Variants in SNTG2 observed in about 807,000 individuals in gnomAD.
SNTG2 encodes the protein syntrophin gamma 2, also known as gamma-2-syntrophin.
A neutral mutation model predicts 70.9 loss-of-function variants in SNTG2; 74 were observed. The observed-to-expected ratio is 1.04, with a 90% CI of 0.86 to 1.27. The LOEUF (loss-of-function observed/expected upper bound fraction) is 1.27, where lower values mean the gene tolerates loss of function less well. Ranked by LOEUF, SNTG2 falls within the 50% of genes most tolerant of loss-of-function variation. The probability of loss-of-function intolerance (pLI) is 0.00; values close to 1 mark genes in which losing one functional copy is unlikely to be tolerated. For missense variants in SNTG2, 717 were observed against 690.7 expected (o/e 1.04, Z -0.43); for synonymous variants, 278 against 273.8 (o/e 1.02, Z -0.15).
chr2:1,221,405 CTCAG>C (rs1674794975), intron 9 of SNTG2, among the ~76,000 whole-genome samples: 1 of 72,870 alleles, frequency 1.4e-5, no homozygotes, highest in African/African-American at 8.6e-5. Flanking sequence ...CTCTGTCCCT[CTCAG>C]TCTCTGGTTT....
chr2:1,234,091 G>A (rs1289297384), intron 9 of SNTG2, among the ~76,000 whole-genome samples: 1 of 152,208 alleles, frequency 6.6e-6, no homozygotes, highest in African/African-American at 2.4e-5. Context: ...CGGCCACCAT[G>A]AGGCGGGTAG....
intron 6 of SNTG2, among the ~76,000 whole-genome samples, chr2:1,152,688 T>A (rs1330510824): frequency 6.6e-6 from 1 of 152,228 alleles, no homozygotes; most frequent in African/African-American, 2.4e-5. Flanking sequence ...CCTGAGAGGA[T>A]CTGAGCCTTT....
chr2:1,228,374 C>T (rs760657094), intron 9 of SNTG2, among the ~76,000 whole-genome samples: 13 of 152,192 alleles, frequency 8.5e-5, no homozygotes, highest in Non-Finnish European at 1.3e-4. Context: ...GGGGGAGGAG[C>T]GCCTCTCTCT....
At chr2:990,546 A>G (rs1661456021) in intron 1 of SNTG2, among the ~76,000 whole-genome samples, 2 of 152,192 alleles carry the variant, frequency 1.3e-5, no homozygotes, top group African/African-American at 2.4e-5. Context: ...CTCAACCTCC[A>G]TGACCTAATA....
At chr2:1,367,223 T>C in intron 16 of SNTG2, 120 bp from the exon 17 acceptor site, 3 of 899,214 alleles carry the variant, frequency 3.3e-6, no homozygotes, top group African/African-American at 1.7e-5. Context: ...ATTTCCTGTC[T>C]ATTATTATTT....
At chr2:1,327,585 G>A (rs1681812057) in intron 16 of SNTG2, among the ~76,000 whole-genome samples, 1 of 152,030 alleles carries the variant, frequency 6.6e-6, no homozygotes, top group Non-Finnish European at 1.5e-5. Flanking sequence ...AAAATTTCAT[G>A]GGACATTAGA....
In SNTG2 at chr2:1,227,057, T is replaced by C. The variant is rs190052578; in HGVS notation, c.720-10831T>C. ...CTAAGGGAGAGGTGCGATGTATAAG[T>C]GTCCTTGTACATTCAGCACCACCCC... On this transcript the variant is annotated intron_variant, in intron 9 of 16. Transcript: ENST00000308624. Among the ~76,000 whole-genome samples the C allele has an allele frequency of 1.1e-4, 17 of 152,360 alleles. No homozygotes were observed. The East Asian group carries it at 1.3e-3, about 12-fold the overall frequency.
intron 16 of SNTG2, among the ~76,000 whole-genome samples, chr2:1,325,436 A>C (rs982273361): frequency 4.6e-5 from 7 of 152,246 alleles, no homozygotes; most frequent in African/African-American, 1.7e-4. Flanking sequence ...AAAGTTATAC[A>C]AGTTATTTCA....
chr2:1,054,794 A>G (rs1346341728), intron 1 of SNTG2, among the ~76,000 whole-genome samples: 1 of 152,260 alleles, frequency 6.6e-6, no homozygotes, highest in Non-Finnish European at 1.5e-5. Flanking sequence ...TTTCAAATGA[A>G]AAATCTAAAT....
intron 9 of SNTG2, 105 bp downstream of exon 9, chr2:1,209,335 C>G: frequency 1.5e-6 from 2 of 1,353,528 alleles, no homozygotes; most frequent in Non-Finnish European, 2.1e-6. Context: ...GTGACATTAG[C>G]AAGTGTGCGT....
chr2:1,159,494 A>G (rs1232042770), intron 6 of SNTG2: 1 of 152,188 alleles, frequency 6.6e-6, no homozygotes, highest in African/African-American at 2.4e-5. Context: ...ATACTGGTGT[A>G]AAAAGACAAT....
At chr2:954,495 T>C (rs1247302115) in intron 1 of SNTG2, among the ~76,000 whole-genome samples, 1 of 152,256 alleles carries the variant, frequency 6.6e-6, no homozygotes, top group Non-Finnish European at 1.5e-5. Flanking sequence ...TTGTCATTGT[T>C]GTCCAGCTGG....
chr2:1,186,534 A>G (rs1173353451), intron 8 of SNTG2, among the ~76,000 whole-genome samples: 2 of 152,320 alleles, frequency 1.3e-5, no homozygotes, highest in Non-Finnish European at 2.9e-5. Flanking sequence ...ACCACAGGGT[A>G]TACAGGAAGC....
At chr2:1,221,429 C>A in intron 9 of SNTG2, among the ~76,000 whole-genome samples, 1 of 134,466 alleles carries the variant, frequency 7.4e-6, no homozygotes, top group Non-Finnish European at 1.7e-5. Context: ...TTGTCTCTGT[C>A]TCTCTCTGTC....
At chr2:1,152,119 C>A (rs531921408) in intron 6 of SNTG2, among the ~76,000 whole-genome samples, 2 of 152,280 alleles carry the variant, frequency 1.3e-5, no homozygotes, top group South Asian at 4.1e-4. Flanking sequence ...ATAAAGAGAT[C>A]ATCAATGTGC....
At chr2:1,137,540 G>T (rs1479302961) in intron 4 of SNTG2, 82 bp from the exon 5 acceptor site, 2 of 1,479,996 alleles carry the variant, frequency 1.4e-6, no homozygotes, top group African/African-American at 2.8e-5. Flanking sequence ...GCTACTGCAA[G>T]CCCTGTGCTT....
rs146292163 is a variant in SNTG2 at position 964,273 on chromosome 2, A to G, written c.72+13205A>G. On this transcript the variant is annotated intron_variant, in intron 1 of 16. Coordinates refer to ENST00000308624, the MANE Select transcript of SNTG2 (RefSeq NM_018968.4). ...ATAGTTGTGTGGAAAGTTTGTTGGA[A>G]GCATCTTTCATTGACTTGTATACTG... Among the ~76,000 whole-genome samples the G allele has an allele frequency of 4.5e-3, 688 of 152,288 alleles. 11 individuals are homozygous for G. Among genetic ancestry groups the G allele is most frequent in the South Asian group, 0.035 (169 of 4,820 alleles).
Position 1,190,199 on chromosome 2 carries a change from A to G in SNTG2, c.591+17016A>G, listed in dbSNP as rs558235571. Among the ~76,000 whole-genome samples the G allele has an allele frequency of 3.9e-5, 6 of 152,178 alleles. No homozygotes were observed. The East Asian group carries it at 9.7e-4, about 25-fold the overall frequency. On this transcript the variant is annotated intron_variant, in intron 8 of 16. Coordinates refer to ENST00000308624, the MANE Select transcript of SNTG2 (RefSeq NM_018968.4). ...TTCCACAGGGGATTGGTTCTAGGAC[A>G]CACTGTAGATAACAAAATCCATAGA...
At chr2:1,261,100 ATAAT>A (rs1678391734) in intron 13 of SNTG2, among the ~76,000 whole-genome samples, 1 of 152,136 alleles carries the variant, frequency 6.6e-6, no homozygotes, top group South Asian at 2.1e-4. Flanking sequence ...AATGGGGTAA[ATAAT>A]AATAAATCTA....
Sources: gnomAD v4.1 joint callset for allele counts (sites outside exome capture counted in the v4.1 genomes callset) on GRCh38, gnomAD v4.1.1 for gene constraint, MANE v1.5 for transcripts, NCBI Gene and HGNC (gene_info 2026-07-23, HGNC 2026-07-21) for gene names.